MARCHF1: variants seen among roughly 807,000 people sequenced by gnomAD.
The protein encoded by MARCHF1 is E3 ubiquitin-protein ligase MARCHF1.
MARCHF1 carries 40 observed loss-of-function variants against 54.2 expected under a neutral mutation model. That is an observed-to-expected ratio of 0.74 (90% CI 0.57 to 0.96). The LOEUF is 0.96. Among genes scored for constraint, MARCHF1 ranks in the 40% least tolerant of loss-of-function variants. The pLI, the probability that MARCHF1 is intolerant of heterozygous loss-of-function variation, is 0.00. For synonymous variants in MARCHF1, 236 were observed against 236.3 expected (o/e 1.00, Z 0.01); for missense variants, 586 against 656.5 (o/e 0.89, Z 1.17).
At chr4:163,815,386 A>T (rs527985135) in intron 4 of MARCHF1, among the ~76,000 whole-genome samples, 30 of 152,364 alleles carry the variant, frequency 2.0e-4, no homozygotes, top group African/African-American at 6.0e-4. Context: ...AGAAAGGCAG[A>T]AATGTTGGCT....
At chr4:164,140,362 TCTTA>T (rs989942306) in intron 1 of MARCHF1, among the ~76,000 whole-genome samples, 3 of 151,920 alleles carry the variant, frequency 2.0e-5, no homozygotes, top group African/African-American at 7.3e-5. Flanking sequence ...TTTACATTTG[TCTTA>T]CTTGAGTTTC....
At chr4:164,142,835 G>C (rs1050433579) in intron 1 of MARCHF1, among the ~76,000 whole-genome samples, 2 of 152,148 alleles carry the variant, frequency 1.3e-5, no homozygotes, top group African/African-American at 4.8e-5. Context: ...TGACTTTGAC[G>C]AGCTGAGAGA....
At chr4:164,085,235 A>T (rs1404653451) in intron 2 of MARCHF1, among the ~76,000 whole-genome samples, 1 of 151,854 alleles carries the variant, frequency 6.6e-6, no homozygotes, top group Non-Finnish European at 1.5e-5. Context: ...TCTATTTATA[A>T]GTCTTCATCT....
intron 1 of MARCHF1, among the ~76,000 whole-genome samples, chr4:164,372,433 A>G (rs889793138): frequency 2.6e-5 from 4 of 152,176 alleles, no homozygotes; most frequent in African/African-American, 7.2e-5. Flanking sequence ...ATTAGCATAA[A>G]TATATATTTT....
chr4:164,237,944 A>G (rs547503854), intron 1 of MARCHF1, among the ~76,000 whole-genome samples: 1 of 152,206 alleles, frequency 6.6e-6, no homozygotes. Context: ...ACATATTTTG[A>G]TGAATATTCA....
intron 1 of MARCHF1, among the ~76,000 whole-genome samples, chr4:164,153,118 A>G (rs897445845): frequency 6.2e-5 from 1 of 16,094 alleles, no homozygotes; most frequent in Non-Finnish European, 1.1e-4. Flanking sequence ...TCTTTTCATC[A>G]ACAGAGAATA....
chr4:163,859,902 C>G (rs1299764513), intron 3 of MARCHF1, among the ~76,000 whole-genome samples: 1 of 152,158 alleles, frequency 6.6e-6, no homozygotes, highest in Non-Finnish European at 1.5e-5. Flanking sequence ...GACTGAAAAT[C>G]TTCCTTATGG....
At chr4:163,743,475 A>G (rs998670336) in intron 4 of MARCHF1, among the ~76,000 whole-genome samples, 1 of 152,374 alleles carries the variant, frequency 6.6e-6, no homozygotes, top group Admixed American at 6.5e-5. Flanking sequence ...GATTATGGTA[A>G]AGTTAATGTA....
intron 8 of MARCHF1, among the ~76,000 whole-genome samples, chr4:163,579,711 T>A (rs1455847603): frequency 1.3e-5 from 2 of 152,034 alleles, no homozygotes; most frequent in Non-Finnish European, 2.9e-5. Context: ...GAGTATGAAT[T>A]TTTTTTTGCA....
At chr4:163,670,313 T>TA in intron 5 of MARCHF1, among the ~76,000 whole-genome samples, 1 of 151,966 alleles carries the variant, frequency 6.6e-6, no homozygotes, top group Middle Eastern at 3.4e-3. Context: ...TTCTGTTTAT[T>TA]AAAAAATAAC....
intron 4 of MARCHF1, among the ~76,000 whole-genome samples, chr4:163,791,832 G>T (rs567855924): frequency 6.6e-6 from 1 of 151,934 alleles, no homozygotes; most frequent in Admixed American, 6.6e-5. Context: ...CTAAACTTCG[G>T]GTAAGCATTC....
Position 163,612,308 on chromosome 4 carries a change from T to G in MARCHF1, c.973A>C (p.Thr325Pro). The G allele has an allele frequency of 6.6e-7, 1 of 1,523,648 alleles. No individual in the cohort carries two copies. Among genetic ancestry groups the G allele is most frequent in the Non-Finnish European group, 8.7e-7 (1 of 1,142,992 alleles). The allele number at this position is 1,523,648 out of a possible 1,614,324, so 94.4% of individuals were successfully genotyped here. A position where few individuals can be genotyped will look rare whatever the true frequency, so the allele number is the denominator to read the frequency against. ...AAATTATCAGACCCATCGTCATAGGTGGCAGGAGGCTTCTGAACAGGGTTA... is the reference window on the plus strand; with the variant it reads ...AAATTATCAGACCCATCGTCATAGGGGGCAGGAGGCTTCTGAACAGGGTTA... ...VNNPVQKPPA[T>P]YDDGSDNLEV... The change falls in exon 7 of 10, where the codon ACC (threonine) becomes CCC (proline). Residue 325 changes from threonine (T) to proline (P), a missense_variant. Thr to Pro is a conservative substitution (Grantham distance 38). Coordinates refer to ENST00000514618, the MANE Select transcript of MARCHF1 (RefSeq NM_001394959.1).
At chr4:164,247,819 T>C (rs533774426) in intron 1 of MARCHF1, among the ~76,000 whole-genome samples, 24 of 148,082 alleles carry the variant, frequency 1.6e-4, no homozygotes, top group Non-Finnish European at 3.0e-5. Flanking sequence ...ACATTCCATC[T>C]AGTATGGGAA....
chr4:164,374,850 G>A (rs1207947484), intron 1 of MARCHF1, among the ~76,000 whole-genome samples: 2 of 152,014 alleles, frequency 1.3e-5, no homozygotes, highest in Non-Finnish European at 2.9e-5. Flanking sequence ...AAAAGATTAA[G>A]TTTAAACATA....
At chr4:163,723,624 A>C (rs1018800209) in intron 4 of MARCHF1, among the ~76,000 whole-genome samples, 1 of 152,142 alleles carries the variant, frequency 6.6e-6, no homozygotes. Context: ...AGTGTTTTCC[A>C]ACTTGGTTCC....
At chr4:164,176,962 CTCTCTCTCTCTCTCT>C (rs1560940422) in intron 1 of MARCHF1, among the ~76,000 whole-genome samples, 3 of 42,274 alleles carry the variant, frequency 7.1e-5, no homozygotes, top group South Asian at 1.2e-3. Context: ...CTCTCTCTCT[CTCTCTCTCTCTCTCT>C]CTCTATATAT....
chr4:164,139,642 G>T (rs992096795), intron 1 of MARCHF1, among the ~76,000 whole-genome samples: 2 of 152,126 alleles, frequency 1.3e-5, no homozygotes, highest in East Asian at 3.8e-4. Context: ...ATTAGAGGAG[G>T]AGCTGCTCAT....
intron 9 of MARCHF1, among the ~76,000 whole-genome samples, chr4:163,544,318 A>C (rs1369858127): frequency 2.6e-5 from 4 of 152,222 alleles, no homozygotes; most frequent in African/African-American, 9.6e-5. Flanking sequence ...TAAATGAGTT[A>C]ATATGGAATA....
chr4:164,190,734 A>G (rs1454874558), intron 1 of MARCHF1, among the ~76,000 whole-genome samples: 2 of 152,210 alleles, frequency 1.3e-5, no homozygotes, highest in Non-Finnish European at 2.9e-5. Flanking sequence ...AGACTATCTG[A>G]GAATGTCCAA....
Sources: allele counts gnomAD v4.1 joint callset (sites outside exome capture counted in the v4.1 genomes callset), GRCh38; gene constraint gnomAD v4.1.1; transcripts MANE v1.5; gene names NCBI Gene and HGNC (gene_info 2026-07-23, HGNC 2026-07-21).